The following CDH18 variants were observed in gnomAD, a reference collection of about 807,000 sequenced individuals.
The protein encoded by CDH18 is cadherin 18.
In CDH18, 31 loss-of-function variants were observed where a neutral mutation model predicts 67.9. The ratio of observed to expected loss-of-function variants is 0.46; its 90% CI spans 0.34 to 0.62. CDH18 has a LOEUF of 0.62. Ranked by LOEUF, CDH18 falls within the 20% of genes least tolerant of loss-of-function variation. CDH18 has a pLI of 0.01. For missense variants in CDH18, 890 were observed against 975.5 expected, an observed-to-expected ratio of 0.91 and a Z score of 1.17; for synonymous variants, 362 against 347.2, an observed-to-expected ratio of 1.04 and a Z score of -0.48.
intron 6 of CDH18, among the ~76,000 whole-genome samples, chr5:19,606,139 G>A (rs192269958): frequency 8.3e-4 from 125 of 151,436 alleles, no homozygotes; most frequent in African/African-American, 2.9e-3. Flanking sequence ...CGGAAGTAAG[G>A]AGAGCAATAA....
chr5:19,947,676 T>G (rs185311151), intron 2 of CDH18, among the ~76,000 whole-genome samples: 2 of 150,716 alleles, frequency 1.3e-5, no homozygotes, highest in Non-Finnish European at 2.9e-5. Context: ...GGCAGAACAA[T>G]TGCTTGAACC....
intron 2 of CDH18, among the ~76,000 whole-genome samples, chr5:20,221,901 T>C (rs1421973439): frequency 6.6e-6 from 1 of 152,194 alleles, no homozygotes; most frequent in East Asian, 1.9e-4. Flanking sequence ...AGTTGAAGTA[T>C]TCTTTCTTCC....
At chr5:20,433,896 T>C (rs753111427) in intron 1 of CDH18, among the ~76,000 whole-genome samples, 1 of 152,098 alleles carries the variant, frequency 6.6e-6, no homozygotes, top group Non-Finnish European at 1.5e-5. Flanking sequence ...GTGTATACTC[T>C]TGTACTATAA....
intron 8 of CDH18, among the ~76,000 whole-genome samples, chr5:19,555,500 G>C (rs539923021): frequency 6.6e-6 from 1 of 152,148 alleles, no homozygotes; most frequent in Non-Finnish European, 1.5e-5. Flanking sequence ...GGGGCTGCCG[G>C]CTCTTCCCCC....
intron 2 of CDH18, among the ~76,000 whole-genome samples, chr5:20,123,872 G>A (rs60102975): frequency 0.056 from 6,980 of 125,728 alleles, 594 homozygotes; most frequent in African/African-American, 0.2. Context: ...GGGAGACAGA[G>A]CGAGACTCCG....
At chr5:19,559,519 C>T (rs912505879) in intron 8 of CDH18, among the ~76,000 whole-genome samples, 14 of 151,962 alleles carry the variant, frequency 9.2e-5, no homozygotes, top group Non-Finnish European at 1.2e-4. Context: ...AAAGAAGGGG[C>T]ATACCTTAAG....
At chr5:20,546,259 GTCT>G (rs1470029693) in intron 1 of CDH18, among the ~76,000 whole-genome samples, 2 of 152,052 alleles carry the variant, frequency 1.3e-5, no homozygotes, top group African/African-American at 4.8e-5. Flanking sequence ...TCAACTTCCT[GTCT>G]TCTTCTGAGC....
At chr5:19,887,560 A>G (rs528853583) in intron 2 of CDH18, among the ~76,000 whole-genome samples, 1 of 151,604 alleles carries the variant, frequency 6.6e-6, no homozygotes, top group Non-Finnish European at 1.5e-5. Flanking sequence ...TCTACAATCC[A>G]TCTGGGACTT....
chr5:19,987,015 C>G (rs1020436004), intron 1 of CDH18, among the ~76,000 whole-genome samples: 1 of 152,078 alleles, frequency 6.6e-6, no homozygotes, highest in African/African-American at 2.4e-5. Context: ...TCTCTCGGCT[C>G]AAAGCAGTGA....
intron 1 of CDH18, among the ~76,000 whole-genome samples, chr5:20,396,482 A>G (rs184337164): frequency 6.6e-6 from 1 of 152,088 alleles, no homozygotes; most frequent in Admixed American, 6.6e-5. Flanking sequence ...CTTATCATTA[A>G]GCATAATGAA....
rs551387303 is a variant in CDH18 at position 19,961,848 on chromosome 5, T to C, written c.-257+19212A>G. ...GGTCATGTAATAAAATAATTGGCCC[T>C]TAATCTCGTTTGCAGTAATTATTGC... On this transcript the variant is annotated intron_variant, in intron 2 of 12. Transcript: ENST00000382275. Among the ~76,000 whole-genome samples the C allele has an allele frequency of 5.9e-5, 9 of 152,220 alleles. No homozygotes were observed. In the South Asian group the frequency reaches 1.9e-3, roughly 32 times the overall value.
intron 2 of CDH18, among the ~76,000 whole-genome samples, chr5:20,114,094 C>T (rs778103629): frequency 2.6e-5 from 4 of 152,240 alleles, no homozygotes; most frequent in East Asian, 1.9e-4. Flanking sequence ...TGTCTATAAG[C>T]GGGACGCTCC....
intron 5 of CDH18, among the ~76,000 whole-genome samples, chr5:19,644,567 T>C (rs570023583): frequency 1.1e-4 from 17 of 152,300 alleles, no homozygotes; most frequent in African/African-American, 4.1e-4. Context: ...GAGCTCTTTC[T>C]GACAATGTGG....
intron 2 of CDH18, among the ~76,000 whole-genome samples, chr5:19,889,803 T>A (rs138969028): frequency 1.3e-5 from 2 of 152,280 alleles, no homozygotes; most frequent in African/African-American, 4.8e-5. Context: ...AATGTGCTCA[T>A]AAAATGCATT....
intron 3 of CDH18, among the ~76,000 whole-genome samples, chr5:19,797,166 A>G (rs1389707599): frequency 6.6e-6 from 1 of 151,980 alleles, no homozygotes; most frequent in Non-Finnish European, 1.5e-5. Flanking sequence ...TCAATGACAC[A>G]GGTAGATTTT....
intron 2 of CDH18, among the ~76,000 whole-genome samples, chr5:20,247,497 T>C (rs1743472000): frequency 6.6e-6 from 1 of 152,154 alleles, no homozygotes; most frequent in Non-Finnish European, 1.5e-5. Context: ...CTGGGCACAG[T>C]GGCTCACGCC....
At chr5:20,292,659 G>A (rs1401398120) in intron 1 of CDH18, among the ~76,000 whole-genome samples, 2 of 152,116 alleles carry the variant, frequency 1.3e-5, no homozygotes, top group Admixed American at 1.3e-4. Context: ...GGACATGGGA[G>A]GAGAACGTGT....
chr5:19,866,507 A>G (rs1401137421), intron 2 of CDH18, among the ~76,000 whole-genome samples: 1 of 152,190 alleles, frequency 6.6e-6, no homozygotes, highest in Non-Finnish European at 1.5e-5. Context: ...GCAGGTGCAA[A>G]GACAAGATGA....
intron 3 of CDH18, among the ~76,000 whole-genome samples, chr5:19,803,512 A>T (rs554262496): frequency 1.3e-5 from 2 of 152,166 alleles, no homozygotes; most frequent in Admixed American, 6.5e-5. Flanking sequence ...AATAGTGCAG[A>T]TGTACAACAT....
Sources: gnomAD v4.1 joint callset for allele counts (sites outside exome capture counted in the v4.1 genomes callset) on GRCh38, gnomAD v4.1.1 for gene constraint, MANE v1.5 for transcripts, NCBI Gene and HGNC (gene_info 2026-07-23, HGNC 2026-07-21) for gene names.